Variants in EBF3 observed in about 807,000 individuals in gnomAD.
The protein encoded by EBF3 is EBF transcription factor 3.
A neutral mutation model predicts 77.1 loss-of-function variants in EBF3; 18 were observed. The observed-to-expected ratio is 0.23, with a 90% CI of 0.16 to 0.35. The LOEUF is 0.35. Ranked by LOEUF, EBF3 falls within the 10% of genes least tolerant of loss-of-function variation. EBF3 has a pLI of 1.00. For missense variants in EBF3, 558 were observed against 860.0 expected (o/e 0.65, Z 4.39); for synonymous variants, 350 against 343.5 (o/e 1.02, Z -0.21).
chr10:129,924,688 C>CA (rs1327008925), intron 6 of EBF3, among the ~76,000 whole-genome samples: 3 of 152,096 alleles, frequency 2.0e-5, no homozygotes, highest in Admixed American at 2.0e-4. Flanking sequence ...TTTCTTGAGA[C>CA]ATAGGTTCTG....
In EBF3 at chr10:129,879,166, C is replaced by T. The variant is rs74162520; in HGVS notation, c.555-1317G>A. Among the ~76,000 whole-genome samples, 35,294 of 151,926 alleles carry T rather than the reference C, an allele frequency of 0.23. 4,714 individuals are homozygous for T. Among genetic ancestry groups the T allele is most frequent in the African/African-American group, 0.37 (15,402 of 41,352 alleles). On this transcript the variant is annotated intron_variant, in intron 6 of 16. Transcript: ENST00000440978. The surrounding 1 kb of genome is among the most constrained non-coding windows in gnomAD (Gnocchi z 4.7). The stretch of plus-strand genomic sequence containing the variant: ...GAACCTGGGAAGCCAGGCTCTACCA[C>T]TACCCACAGGAAAAGTGGGTGGGGG...
Position 129,963,549 on chromosome 10 carries a change from C to T in EBF3, c.135-26G>A, listed in dbSNP as rs777514645. 1 of 1,435,996 alleles carries T rather than the reference C, an allele frequency of 7.0e-7. No homozygotes were observed. The highest frequency in any genetic ancestry group is 1.5e-5 in the African/African-American group (1 of 66,718). The allele number at this position is 1,435,996 out of a possible 1,614,324, so 89.0% of individuals were successfully genotyped here. On this transcript the variant is annotated intron_variant, in intron 1 of 16. Coordinates refer to ENST00000440978, the MANE Select transcript of EBF3 (RefSeq NM_001375380.1). This position sits in a 1 kb window ranked among gnomAD's most constrained non-coding sequence, Gnocchi z 7.1. ...CTGCGGGAGGAAAGAGACAGCGGCC[C>T]GGTGAGGAGCGCGGCGCCGGCCGGC...
In EBF3 at chr10:129,964,021, C is replaced by G. The variant is rs551272820; in HGVS notation, c.-253G>C. 14 of 985,202 alleles carry G rather than the reference C, an allele frequency of 1.4e-5. No homozygotes were observed. The African/African-American group carries it at 2.3e-4, about 16-fold the overall frequency. The allele number at this position is 985,202 out of a possible 1,614,324, so 61.0% of individuals were successfully genotyped here. A position where few individuals can be genotyped will look rare whatever the true frequency, so the allele number is the denominator to read the frequency against. ...GCTTCGAAGGAGCAGGACGCGGTGGCCGCGGCGGCGCTTGTTGTTGTTGTT... is the reference window on the plus strand; with the variant it reads ...GCTTCGAAGGAGCAGGACGCGGTGGGCGCGGCGGCGCTTGTTGTTGTTGTT... On this transcript the variant is annotated 5_prime_UTR_variant, in exon 1 of 17. Transcript: ENST00000440978. The surrounding 1 kb of genome is among the most constrained non-coding windows in gnomAD (Gnocchi z 4.5).
chr10:129,890,970 A>G (rs1450912892), intron 6 of EBF3, among the ~76,000 whole-genome samples: 1 of 152,246 alleles, frequency 6.6e-6, no homozygotes, highest in African/African-American at 2.4e-5. Flanking sequence ...AAGGTTCGCC[A>G]CTTACCATAC....
At chr10:129,907,407 A>G (rs1855221976) in intron 6 of EBF3, among the ~76,000 whole-genome samples, 1 of 152,224 alleles carries the variant, frequency 6.6e-6, no homozygotes, top group Admixed American at 6.5e-5. Flanking sequence ...TTGATAATTT[A>G]TATTTTGAAT....
intron 10 of EBF3, among the ~76,000 whole-genome samples, chr10:129,857,297 G>A (rs1013748454): frequency 1.3e-5 from 2 of 152,016 alleles, no homozygotes; most frequent in Non-Finnish European, 2.9e-5. Context: ...TTCCACATAG[G>A]GGTTCCCAAA....
chr10:129,932,136 C>A (rs1264339758), intron 6 of EBF3, among the ~76,000 whole-genome samples: 1 of 152,208 alleles, frequency 6.6e-6, no homozygotes, highest in Admixed American at 6.5e-5. Flanking sequence ...ACACACACGG[C>A]CAGGGTAGAA....
In EBF3 at chr10:129,842,388, C is replaced by T; in HGVS notation, c.1195-95G>A. 4 of 1,407,452 alleles carry T rather than the reference C, an allele frequency of 2.8e-6. No homozygotes were observed. Among genetic ancestry groups the T allele is most frequent in the Non-Finnish European group, 3.8e-6 (4 of 1,049,494 alleles). The allele number at this position is 1,407,452 out of a possible 1,614,324, so 87.2% of individuals were successfully genotyped here. On this transcript the variant is annotated intron_variant, in intron 12 of 16. Transcript: ENST00000440978. The surrounding 1 kb of genome is among the most constrained non-coding windows in gnomAD (Gnocchi z 4.4). ...CCCACCATGGTGGCATCCCACTGTC[C>T]CTTGCCCAGACCATGACCAAATCTA...
In EBF3 at chr10:129,943,834, G is replaced by A. The variant is rs561610632; in HGVS notation, c.554+13424C>T. Among the ~76,000 whole-genome samples the A allele has an allele frequency of 1.3e-5, 2 of 152,186 alleles. No homozygotes were observed. The highest frequency in any genetic ancestry group is 6.5e-5 in the Admixed American group (1 of 15,280). On this transcript the variant is annotated intron_variant, in intron 6 of 16. Coordinates refer to ENST00000440978, the MANE Select transcript of EBF3 (RefSeq NM_001375380.1). This position sits in a 1 kb window ranked among gnomAD's most constrained non-coding sequence, Gnocchi z 8.8. ...TTTGAGCAGTTTTTTTCTGTGCTGA[G>A]CTCTCTGGAACCATATGTTCAGCAA...
intron 10 of EBF3, among the ~76,000 whole-genome samples, chr10:129,849,940 A>T (rs900576708): frequency 5.9e-5 from 9 of 152,258 alleles, no homozygotes; most frequent in Non-Finnish European, 7.3e-5. Flanking sequence ...ACCATTAATC[A>T]TCAGAAGCTG....
rs1473785242 is a variant in EBF3, at chr10:129,848,114, G to A, written c.1128+278C>T. Reference sequence around the variant, plus strand: ...CCCCCTCACAGAATCCAAAATATTTGTTATCAGAAAAGCTGTTCTTTGCTT... The same window carrying A: ...CCCCCTCACAGAATCCAAAATATTTATTATCAGAAAAGCTGTTCTTTGCTT... On this transcript the variant is annotated intron_variant, in intron 11 of 16. Transcript: ENST00000440978. This position sits in a 1 kb window ranked among gnomAD's most constrained non-coding sequence, Gnocchi z 4.4. Among the ~76,000 whole-genome samples the A allele has an allele frequency of 6.6e-6, 1 of 152,188 alleles. No individual in the cohort carries two copies. The highest frequency in any genetic ancestry group is 2.4e-5 in the African/African-American group (1 of 41,454).
chr10:129,898,640 G>A (rs1038519462), intron 6 of EBF3, among the ~76,000 whole-genome samples: 1 of 152,182 alleles, frequency 6.6e-6, no homozygotes, highest in Non-Finnish European at 1.5e-5. Context: ...CTGTTGGGAT[G>A]GGCACTTCAT....
chr10:129,884,567 A>G (rs1259078641), intron 6 of EBF3, among the ~76,000 whole-genome samples: 1 of 152,182 alleles, frequency 6.6e-6, no homozygotes, highest in African/African-American at 2.4e-5. Context: ...TATGGGTCTC[A>G]TATACTTGTA....
intron 4 of EBF3, among the ~76,000 whole-genome samples, chr10:129,961,664 G>T (rs953682992): frequency 4.6e-5 from 7 of 152,082 alleles, no homozygotes; most frequent in African/African-American, 1.7e-4. Context: ...TGGACTAGAG[G>T]AGAACAAGGT....
intron 7 of EBF3, 104 bp downstream of exon 7, chr10:129,877,664 C>A: frequency 1.0e-6 from 1 of 967,238 alleles, no homozygotes; most frequent in Non-Finnish European, 1.6e-6. Flanking sequence ...CTTCCAAGCC[C>A]TTAAAGAACT....
chr10:129,946,598 T>C (rs1858243612), intron 6 of EBF3, among the ~76,000 whole-genome samples: 1 of 152,216 alleles, frequency 6.6e-6, no homozygotes, highest in Non-Finnish European at 1.5e-5. Flanking sequence ...CAAGACAAGT[T>C]TATTTTTGTT....
At chr10:129,927,882 G>C (rs1427221840) in intron 6 of EBF3, among the ~76,000 whole-genome samples, 2 of 152,122 alleles carry the variant, frequency 1.3e-5, no homozygotes, top group Non-Finnish European at 2.9e-5. Context: ...CACAGGGATG[G>C]GGAGGTGGAG....
intron 6 of EBF3, among the ~76,000 whole-genome samples, chr10:129,942,674 G>A (rs558482109): frequency 6.2e-4 from 94 of 152,322 alleles, no homozygotes; most frequent in Non-Finnish European, 1.1e-3. Context: ...CGCATGCCAC[G>A]ATCACATTTA....
intron 6 of EBF3, among the ~76,000 whole-genome samples, chr10:129,886,033 A>ATTTTTTTTTTTTTTTTTTT (rs59542647): frequency 7.9e-6 from 1 of 126,298 alleles, no homozygotes; most frequent in Non-Finnish European, 1.7e-5. Flanking sequence ...TTTGGTTTTA[A>ATTTTTTTTTTTTTTTTTTT]TTTTTTTTTT....
Sources: allele counts gnomAD v4.1 joint callset (sites outside exome capture counted in the v4.1 genomes callset), GRCh38; gene constraint gnomAD v4.1.1; non-coding constraint Gnocchi (gnomAD v3.1); transcripts MANE v1.5; gene names NCBI Gene and HGNC (gene_info 2026-07-23, HGNC 2026-07-21).